The following FSD2 variants were observed in gnomAD, a reference collection of about 807,000 sequenced individuals.
The protein encoded by FSD2 is fibronectin type III and SPRY domain-containing protein 2.
A neutral mutation model predicts 80.4 loss-of-function variants in FSD2; 71 were observed. That is an observed-to-expected ratio of 0.88 (90% confidence interval 0.73 to 1.08). The LOEUF is 1.08. Ranked by LOEUF, FSD2 falls within the 50% of genes least tolerant of loss-of-function variation. The pLI is 0.00. For missense variants in FSD2, 923 were observed against 913.8 expected, an observed-to-expected ratio of 1.01 and a Z score of -0.13; for synonymous variants, 361 against 329.5, an observed-to-expected ratio of 1.10 and a Z score of -1.03.
Position 82,769,091 on chromosome 15 carries a change from C to T in FSD2, c.1403-61G>A, listed in dbSNP as rs953531561. ...TGTGTTCATTTCCAGCTGTTTTGTT[C>T]AGAGCCATGGACAAACATCACAGCC... On this transcript the variant is annotated intron_variant, in intron 8 of 12. Coordinates refer to ENST00000334574, the MANE Select transcript of FSD2 (RefSeq NM_001007122.4). The T allele has an allele frequency of 2.9e-6, 4 of 1,385,332 alleles. No homozygotes were observed. The African/African-American group carries it at 5.9e-5, about 20-fold the overall frequency. 85.8% of individuals were successfully genotyped at this position (1,385,332 alleles called of 1,614,324 possible). A position where few individuals can be genotyped will look rare whatever the true frequency, so the allele number is the denominator to read the frequency against.
chr15:82,791,992 C>G (rs558470379), intron 1 of FSD2, among the ~76,000 whole-genome samples: 11 of 152,298 alleles, frequency 7.2e-5, no homozygotes, highest in African/African-American at 2.6e-4. Flanking sequence ...TCAGTTGATT[C>G]GGGTGGCTTC....
intron 10 of FSD2, 24 bp downstream of exon 10, chr15:82,765,874 G>T: frequency 2.5e-6 from 4 of 1,587,510 alleles, no homozygotes; most frequent in Middle Eastern, 1.9e-4. Context: ...GGGTCCCAGA[G>T]ACTTTGTGGG....
chr15:82,786,708 C>T (rs747968511), intron 2 of FSD2, 44 bp downstream of exon 2: 14 of 1,608,808 alleles, frequency 8.7e-6, no homozygotes, highest in South Asian at 6.6e-5. Flanking sequence ...CTTGAGATAC[C>T]AAAGCAATAT....
intron 1 of FSD2, among the ~76,000 whole-genome samples, chr15:82,803,819 G>A (rs1403499767): frequency 6.6e-6 from 1 of 151,972 alleles, no homozygotes; most frequent in Non-Finnish European, 1.5e-5. Flanking sequence ...CAAGATCACT[G>A]CCCTCTGGAT....
At chr15:82,768,814 T>C in intron 9 of FSD2, 66 bp downstream of exon 9, 1 of 1,326,286 alleles carries the variant, frequency 7.5e-7, no homozygotes, top group Non-Finnish European at 9.7e-7. Flanking sequence ...TCCGTATACT[T>C]CCTAAGCCAT....
chr15:82,772,038 C>CTGG, intron 7 of FSD2, 35 bp downstream of exon 7: 2 of 1,517,192 alleles, frequency 1.3e-6, no homozygotes, highest in Non-Finnish European at 1.8e-6. Context: ...TGAACTGTTC[C>CTGG]CATGAGCACG....
chr15:82,778,158 A>ATATATATATATATATATATAT lies in FSD2; in HGVS notation c.1111+607_1111+608insATATATATATATATATATATA, dbSNP rs1482215584. Among the ~76,000 whole-genome samples, 103 of 128,996 alleles carry ATATATATATATATATATATAT rather than the reference A, an allele frequency of 8.0e-4. 2 individuals are homozygous for ATATATATATATATATATATAT. Among genetic ancestry groups the ATATATATATATATATATATAT allele is most frequent in the African/African-American group, 2.4e-3 (72 of 30,306 alleles). The allele number at this position is 128,996 out of a possible 152,430, so 84.6% of individuals were successfully genotyped here. On this transcript the variant is annotated intron_variant, in intron 6 of 12. Coordinates refer to ENST00000334574, the MANE Select transcript of FSD2 (RefSeq NM_001007122.4). The stretch of plus-strand genomic sequence containing the variant: ...TATATATATATATATATATATATAT[A>ATATATATATATATATATATAT]ATAACTATTACATGATCTAGTAATT...
At chr15:82,781,174 T>C (rs990034840) in intron 4 of FSD2, among the ~76,000 whole-genome samples, 3 of 152,262 alleles carry the variant, frequency 2.0e-5, no homozygotes, top group African/African-American at 2.4e-5. Flanking sequence ...ATCATTTACT[T>C]GATGGTTCTT....
At chr15:82,765,659 T>C (rs1371837326) in intron 10 of FSD2, among the ~76,000 whole-genome samples, 1 of 152,198 alleles carries the variant, frequency 6.6e-6, no homozygotes, top group Non-Finnish European at 1.5e-5. Context: ...AATGCCTGTG[T>C]ATGGATAAGA....
rs1851862568 is a variant in FSD2, at chr15:82,769,793, C to T, written c.1359G>A (p.Arg453=). The T allele has an allele frequency of 1.2e-6, 2 of 1,613,934 alleles. No homozygotes were observed. Among genetic ancestry groups the T allele is most frequent in the African/African-American group, 2.7e-5 (2 of 75,022 alleles). The change falls in exon 8 of 13, where the codon AGG becomes AGA. Residue 453 remains arginine, a synonymous_variant. Coordinates refer to ENST00000334574, the MANE Select transcript of FSD2 (RefSeq NM_001007122.4). Reference sequence around the variant, plus strand: ...GCTCGCTAGAGGGGCTGGGGCCAGCCCTGTTGTGAGCTGTGACCCAAAATT... The same window carrying T: ...GCTCGCTAGAGGGGCTGGGGCCAGCTCTGTTGTGAGCTGTGACCCAAAATT... ...QYEFWVTAHN[R]AGPSPSSERA... is the part of the protein sequence containing the mutation.
chr15:82,773,317 A>G (rs1303291901), intron 6 of FSD2, among the ~76,000 whole-genome samples: 1 of 152,190 alleles, frequency 6.6e-6, no homozygotes, highest in Non-Finnish European at 1.5e-5. Context: ...GAAAGATCGT[A>G]ATGTGACAGA....
chr15:82,771,273 ACT>A (rs1379187404), intron 7 of FSD2, among the ~76,000 whole-genome samples: 5 of 152,034 alleles, frequency 3.3e-5, no homozygotes, highest in Non-Finnish European at 7.4e-5. Flanking sequence ...TTTCTCTCTG[ACT>A]CTCAGTTTCC....
rs368092353 is a variant in FSD2 at position 82,765,956 on chromosome 15, T to G, written c.1629A>C (p.Arg543=). The change falls in exon 10 of 13, where the codon CGA becomes CGC. Residue 543 remains arginine (R), a synonymous_variant. Coordinates refer to ENST00000334574, the MANE Select transcript of FSD2 (RefSeq NM_001007122.4). ...QPGRSYIIYV[R]ALNMGGPSVR... Reference sequence around the variant, plus strand: ...CGCTGGGGCCCCCCATATTGAGGGCTCGCACATAGATAATGTAGCTCCGCC... The same window carrying G: ...CGCTGGGGCCCCCCATATTGAGGGCGCGCACATAGATAATGTAGCTCCGCC... 1.3e-4 allele frequency: 204 copies of G among 1,606,784 alleles called. No homozygotes were observed. Among genetic ancestry groups the G allele is most frequent in the East Asian group, 7.2e-4 (32 of 44,716 alleles).
At chr15:82,761,850 G>T (rs930682708) in intron 12 of FSD2, among the ~76,000 whole-genome samples, 2 of 151,960 alleles carry the variant, frequency 1.3e-5, no homozygotes, top group African/African-American at 4.8e-5. Context: ...ACAATTGTGA[G>T]AAGTAAATGA....
chr15:82,756,222 T>A lies in FSD2; in HGVS notation c.*3126A>T, dbSNP rs185300347. ...AAATTGGCGAAGTTTTCTTGGTAAG[T>A]TGAGGAGAGGACTTTTCTTATAGTG... On this transcript the variant is annotated 3_prime_UTR_variant, in exon 13 of 13. Transcript: ENST00000334574. The A allele has an allele frequency of 4.0e-5, 11 of 272,434 alleles. No individual in the cohort carries two copies. The highest frequency in any genetic ancestry group is 3.7e-4 in the Admixed American group (8 of 21,752). 16.9% of individuals were successfully genotyped at this position (272,434 alleles called of 1,614,324 possible).
intron 3 of FSD2, among the ~76,000 whole-genome samples, chr15:82,784,990 G>C (rs970706050): frequency 6.6e-6 from 1 of 152,160 alleles, no homozygotes; most frequent in Non-Finnish European, 1.5e-5. Flanking sequence ...CTGAGGAAAA[G>C]AACACTTACC....
intron 6 of FSD2, among the ~76,000 whole-genome samples, chr15:82,776,234 C>T (rs2049710077): frequency 6.6e-6 from 1 of 152,128 alleles, no homozygotes; most frequent in African/African-American, 2.4e-5. Flanking sequence ...TTGCAGTGAG[C>T]CATGATCACA....
chr15:82,788,386 C>T (rs1439897668), intron 1 of FSD2, among the ~76,000 whole-genome samples: 1 of 150,374 alleles, frequency 6.7e-6, no homozygotes, highest in African/African-American at 2.4e-5. Context: ...CACGTGTGGT[C>T]CCAGCTACTT....
rs562867290 is a variant in FSD2 at position 82,801,308 on chromosome 15, A to T, written c.-79+4658T>A. 1.5e-4 allele frequency among the ~76,000 whole-genome samples: 23 copies of T among 152,242 alleles called. No homozygotes were observed. In the South Asian group the frequency reaches 4.8e-3, roughly 32 times the overall value. On this transcript the variant is annotated intron_variant, in intron 1 of 12. Coordinates refer to ENST00000334574, the MANE Select transcript of FSD2 (RefSeq NM_001007122.4). ...TTTCATCTGGTGCTCCGTACCAACT[A>T]TCACTCCCCCAGTTAATCGTGGCTA...
Sources: gnomAD v4.1 joint callset for allele counts (sites outside exome capture counted in the v4.1 genomes callset) on GRCh38, gnomAD v4.1.1 for gene constraint, MANE v1.5 for transcripts, NCBI Gene and HGNC (gene_info 2026-07-23, HGNC 2026-07-21) for gene names.